PCCA: variants seen among roughly 807,000 people sequenced by gnomAD.
The protein encoded by PCCA is propionyl-CoA carboxylase subunit alpha.
PCCA carries 74 observed loss-of-function variants against 101.3 expected under a neutral mutation model. That is an observed-to-expected ratio of 0.73 (90% CI 0.61 to 0.89). The LOEUF is 0.89. Among genes scored for constraint, PCCA ranks in the 40% least tolerant of loss-of-function variants. PCCA has a pLI of 0.00. For synonymous variants in PCCA, 294 were observed against 313.6 expected (o/e 0.94, Z 0.66); for missense variants, 891 against 907.0 (o/e 0.98, Z 0.23).
chr13:100,093,204 G>A (rs913154819), intron 1 of PCCA, among the ~76,000 whole-genome samples: 7 of 152,194 alleles, frequency 4.6e-5, no homozygotes, highest in Admixed American at 1.3e-4. Context: ...GCCCGCAGGA[G>A]CCATGCTGAG....
intron 17 of PCCA, among the ~76,000 whole-genome samples, chr13:100,332,851 T>A (rs2069846589): frequency 2.6e-5 from 4 of 152,184 alleles, no homozygotes; most frequent in Admixed American, 2.6e-4. Flanking sequence ...CTTTTAGCAA[T>A]TATTTAGTTG....
intron 7 of PCCA, among the ~76,000 whole-genome samples, chr13:100,222,768 A>AT (rs905426081): frequency 2.0e-5 from 3 of 151,766 alleles, no homozygotes; most frequent in African/African-American, 4.8e-5. Context: ...ACTATATTCT[A>AT]TTTTTTTTCC....
rs1440939691 is a variant in PCCA at position 100,381,666 on chromosome 13, C to T, written c.1746+13092C>T. Reference sequence around the variant, plus strand: ...GCAAGTTATTTCCCTGACCCCTTTGCGGGACCGCTTTGCCACGGGGTGCCT... The same window carrying T: ...GCAAGTTATTTCCCTGACCCCTTTGTGGGACCGCTTTGCCACGGGGTGCCT... On this transcript the variant is annotated intron_variant, in intron 19 of 23. Coordinates refer to ENST00000376285, the MANE Select transcript of PCCA (RefSeq NM_000282.4). Among the ~76,000 whole-genome samples, 3 of 152,318 alleles carry T rather than the reference C, an allele frequency of 2.0e-5. 1 individual carries two copies. Among genetic ancestry groups the T allele is most frequent in the Non-Finnish European group, 1.5e-5 (1 of 68,032 alleles).
chr13:100,400,528 G>C (rs1020246052), intron 19 of PCCA, among the ~76,000 whole-genome samples: 1 of 151,270 alleles, frequency 6.6e-6, no homozygotes, highest in African/African-American at 2.4e-5. Context: ...GTGGGTCTTT[G>C]TGTCTATATG....
intron 19 of PCCA, among the ~76,000 whole-genome samples, chr13:100,404,945 A>G (rs532813766): frequency 6.6e-6 from 1 of 152,102 alleles, no homozygotes; most frequent in East Asian, 1.9e-4. Flanking sequence ...GATCCCTTAC[A>G]TCCAGTTTTC....
At chr13:100,129,891 G>C (rs1029838574) in intron 4 of PCCA, among the ~76,000 whole-genome samples, 1 of 152,158 alleles carries the variant, frequency 6.6e-6, no homozygotes, top group Non-Finnish European at 1.5e-5. Context: ...CCAGCCAGTG[G>C]TTAGCATTGT....
In PCCA at chr13:100,215,908, G is replaced by A. The variant is rs147961223; in HGVS notation, c.600+6445G>A. Among the ~76,000 whole-genome samples the A allele has an allele frequency of 2.6e-3, 399 of 152,202 alleles. 2 individuals carry two copies. Among genetic ancestry groups the A allele is most frequent in the Non-Finnish European group, 4.5e-3 (303 of 68,006 alleles). ...ACCTGCCTTGGCCTCCCAAGTGCTGGGATTGCAGGTGTGAGCCACTGTGCG... is the reference window on the plus strand; with the variant it reads ...ACCTGCCTTGGCCTCCCAAGTGCTGAGATTGCAGGTGTGAGCCACTGTGCG... On this transcript the variant is annotated intron_variant, in intron 7 of 23. Transcript: ENST00000376285.
intron 7 of PCCA, among the ~76,000 whole-genome samples, chr13:100,232,931 G>A (rs1275285895): frequency 6.6e-6 from 1 of 152,148 alleles, no homozygotes; most frequent in Non-Finnish European, 1.5e-5. Context: ...ATGTATAAGT[G>A]GTTGAATAAG....
chr13:100,212,323 A>G (rs2059266009), intron 7 of PCCA, among the ~76,000 whole-genome samples: 1 of 152,210 alleles, frequency 6.6e-6, no homozygotes, highest in African/African-American at 2.4e-5. Flanking sequence ...GCTGAGTAGT[A>G]GACTCAATAT....
At chr13:100,214,760 G>A (rs370026211) in intron 7 of PCCA, among the ~76,000 whole-genome samples, 60 of 151,890 alleles carry the variant, frequency 4.0e-4, no homozygotes, top group African/African-American at 1.4e-3. Context: ...TCACTTCTTT[G>A]GTTAAGTTTA....
rs753460696 is a variant in PCCA, at chr13:100,157,249, T to C, written c.415-38T>C. On this transcript the variant is annotated intron_variant, in intron 5 of 23. Transcript: ENST00000376285. ...TTTTGCTTATAAAGCTTTTGCAATA[T>C]GATAAAATTGAAAGTGCTTTTTGCT... The C allele has an allele frequency of 8.9e-6, 13 of 1,452,718 alleles. No homozygotes were observed. The South Asian group carries it at 1.0e-4, about 12-fold the overall frequency. 90.0% of individuals were successfully genotyped at this position (1,452,718 alleles called of 1,614,324 possible).
intron 10 of PCCA, among the ~76,000 whole-genome samples, chr13:100,263,932 G>A (rs558374245): frequency 1.3e-5 from 2 of 148,990 alleles, no homozygotes; most frequent in South Asian, 2.1e-4. Context: ...TACGGTATCT[G>A]TATGTCATAT....
At chr13:100,449,940 C>T (rs1461305443) in intron 21 of PCCA, among the ~76,000 whole-genome samples, 1 of 152,184 alleles carries the variant, frequency 6.6e-6, no homozygotes, top group South Asian at 2.1e-4. Context: ...TATATTAGAA[C>T]ACAACTTTGC....
chr13:100,487,899 T>A (rs117093763), intron 21 of PCCA, among the ~76,000 whole-genome samples: 1 of 149,136 alleles, frequency 6.7e-6, no homozygotes. Context: ...CTAATTAAAA[T>A]AAAAAAAAAA....
chr13:100,267,033 T>C (rs1282682102), intron 10 of PCCA, among the ~76,000 whole-genome samples: 7 of 152,236 alleles, frequency 4.6e-5, no homozygotes, highest in African/African-American at 1.7e-4. Context: ...CAAATCATTT[T>C]TGTTGAATGC....
chr13:100,278,055 C>T (rs556984428), intron 12 of PCCA, among the ~76,000 whole-genome samples: 3 of 152,172 alleles, frequency 2.0e-5, no homozygotes, highest in Non-Finnish European at 4.4e-5. Context: ...TTGAAATCAC[C>T]TTTGTAGCCT....
chr13:100,458,594 C>G (rs2152938757), intron 21 of PCCA, among the ~76,000 whole-genome samples: 1 of 152,070 alleles, frequency 6.6e-6, no homozygotes, highest in South Asian at 2.1e-4. Flanking sequence ...ATGATTACTC[C>G]ACTTCACTCC....
chr13:100,230,428 C>T (rs1234442315), intron 7 of PCCA, among the ~76,000 whole-genome samples: 2 of 151,932 alleles, frequency 1.3e-5, no homozygotes, highest in South Asian at 2.1e-4. Flanking sequence ...GCCTGTAGTC[C>T]CAGCTACTCA....
intron 19 of PCCA, among the ~76,000 whole-genome samples, chr13:100,424,661 A>G (rs1199019374): frequency 6.6e-6 from 1 of 152,148 alleles, no homozygotes; most frequent in Non-Finnish European, 1.5e-5. Context: ...ATCTTTGTCC[A>G]CTGCCACCCC....
Sources: gnomAD v4.1 joint callset for allele counts (sites outside exome capture counted in the v4.1 genomes callset) on GRCh38, gnomAD v4.1.1 for gene constraint, MANE v1.5 for transcripts, NCBI Gene and HGNC (gene_info 2026-07-23, HGNC 2026-07-21) for gene names.